TTC39C: variants seen among roughly 807,000 people sequenced by gnomAD.
TTC39C encodes tetratricopeptide repeat domain 39C.
In TTC39C, 33 loss-of-function variants were observed where a neutral mutation model predicts 76.3. The observed-to-expected ratio is 0.43, with a 90% confidence interval of 0.33 to 0.58. The LOEUF is 0.58. Ranked by LOEUF, TTC39C falls within the 20% of genes least tolerant of loss-of-function variation. TTC39C has a pLI of 0.04. For missense variants in TTC39C, 595 were observed against 701.4 expected (o/e 0.85, Z 1.71); for synonymous variants, 254 against 260.6 (o/e 0.97, Z 0.24).
upstream of TTC39C, chr18:24,014,653 G>T (rs1018867652): frequency 1.9e-4 from 110 of 578,780 alleles, no homozygotes; most frequent in African/African-American, 2.1e-3. Flanking sequence ...TCCCCGCGGC[G>T]GCGGCCGGAC....
At chr18:24,082,199 A>G (rs1379090026) in intron 5 of TTC39C, among the ~76,000 whole-genome samples, 1 of 151,328 alleles carries the variant, frequency 6.6e-6, no homozygotes, top group South Asian at 2.1e-4. Context: ...CTAGTTTAAC[A>G]TGGCCATTTT....
chr18:23,999,145 G>C (rs1391290180), intron 1 of TTC39C, among the ~76,000 whole-genome samples: 1 of 152,182 alleles, frequency 6.6e-6, no homozygotes, highest in Non-Finnish European at 1.5e-5. Flanking sequence ...GTGGACATAT[G>C]GGTGTGATGA....
chr18:24,099,202 C>T (rs1290335767), intron 6 of TTC39C: 1 of 151,148 alleles, frequency 6.6e-6, no homozygotes, highest in South Asian at 2.1e-4. Context: ...GTGACTAAAA[C>T]AACACACTTT....
At chr18:24,107,850 C>G (rs971716534) in intron 6 of TTC39C, among the ~76,000 whole-genome samples, 11 of 151,812 alleles carry the variant, frequency 7.2e-5, no homozygotes, top group Admixed American at 3.3e-4. Context: ...GCCTCGACCT[C>G]CCGGCTCAAG....
intron 1 of TTC39C, among the ~76,000 whole-genome samples, chr18:24,029,669 C>T (rs141398039): frequency 2.7e-5 from 2 of 75,108 alleles, no homozygotes; most frequent in South Asian, 5.7e-4. Context: ...ACCCTTCCCC[C>T]GCTGAGTCCC....
intron 1 of TTC39C, among the ~76,000 whole-genome samples, chr18:24,060,853 C>T (rs4800540): frequency 0.61 from 93,188 of 151,870 alleles, 30,893 homozygotes; most frequent in Middle Eastern, 0.8. Flanking sequence ...TTCTTTTGGC[C>T]ACATTTTGGG....
At chr18:24,070,267 G>A (rs1599295384) in intron 4 of TTC39C, among the ~76,000 whole-genome samples, 1 of 152,124 alleles carries the variant, frequency 6.6e-6, no homozygotes, top group South Asian at 2.1e-4. Flanking sequence ...GTTCTATGAT[G>A]TACATTCACT....
chr18:24,023,976 A>ATC (rs2083556967), intron 1 of TTC39C, among the ~76,000 whole-genome samples: 3 of 12,902 alleles, frequency 2.3e-4, no homozygotes, highest in South Asian at 7.7e-3. Flanking sequence ...ATATATATAT[A>ATC]TATACATATA....
intron 6 of TTC39C, among the ~76,000 whole-genome samples, chr18:24,092,499 A>C (rs1417742866): frequency 6.6e-6 from 1 of 152,256 alleles, no homozygotes; most frequent in Non-Finnish European, 1.5e-5. Flanking sequence ...TCAACTGATG[A>C]ATGGATAAAC....
At chr18:24,044,166 G>A (rs542749023) in intron 1 of TTC39C, among the ~76,000 whole-genome samples, 4 of 152,044 alleles carry the variant, frequency 2.6e-5, no homozygotes, top group Non-Finnish European at 5.9e-5. Context: ...CAGCACGGGG[G>A]CAGGTTACAG....
chr18:24,114,697 C>T lies in TTC39C; in HGVS notation c.1078+50C>T, dbSNP rs1009976807. On this transcript the variant is annotated intron_variant, in intron 7 of 13. Transcript: ENST00000317571. ...CTCTTGTTAAGAAGTAGTATTAATGCAGTATTTTAGCTTTCATGCCATTCA... is the reference window on the plus strand; with the variant it reads ...CTCTTGTTAAGAAGTAGTATTAATGTAGTATTTTAGCTTTCATGCCATTCA... 9 of 1,438,494 alleles carry T rather than the reference C, an allele frequency of 6.3e-6. No homozygotes were observed. The Admixed American group carries it at 1.3e-4, about 22-fold the overall frequency. 89.1% of individuals were successfully genotyped at this position (1,438,494 alleles called of 1,614,324 possible).
chr18:24,064,093 A>C, intron 1 of TTC39C, 47 bp from the exon 2 acceptor site: 1 of 1,604,408 alleles, frequency 6.2e-7, no homozygotes, highest in Non-Finnish European at 8.5e-7. Flanking sequence ...AAAATTTTAC[A>C]GTGAAAATAA....
chr18:24,031,331 G>C (rs2083668228), intron 1 of TTC39C, among the ~76,000 whole-genome samples: 1 of 152,154 alleles, frequency 6.6e-6, no homozygotes, highest in South Asian at 2.1e-4. Flanking sequence ...GAAAAAGATT[G>C]TGAGTGGAAG....
chr18:24,047,082 T>C (rs2083894193), intron 1 of TTC39C, among the ~76,000 whole-genome samples: 2 of 151,766 alleles, frequency 1.3e-5, no homozygotes, highest in African/African-American at 2.4e-5. Flanking sequence ...ACATTTACAT[T>C]GATATATATT....
At chr18:24,003,619 T>G (rs1489042394) in intron 1 of TTC39C, among the ~76,000 whole-genome samples, 1 of 152,012 alleles carries the variant, frequency 6.6e-6, no homozygotes, top group African/African-American at 2.4e-5. Context: ...ATTCTTTGAG[T>G]GAACCACTGG....
At chr18:24,008,500 C>T (rs1186334604) in intron 1 of TTC39C, among the ~76,000 whole-genome samples, 1 of 152,116 alleles carries the variant, frequency 6.6e-6, no homozygotes, top group Non-Finnish European at 1.5e-5. Flanking sequence ...GGTAAAGTTA[C>T]GTGAATAGAA....
chr18:24,129,083 A>T, intron 11 of TTC39C, 100 bp downstream of exon 11: 1 of 773,668 alleles, frequency 1.3e-6, no homozygotes, highest in Non-Finnish European at 2.0e-6. Flanking sequence ...ACGAAACCGA[A>T]CCTCCCACTA....
At chr18:24,066,628 C>T (rs988326628) in intron 3 of TTC39C, among the ~76,000 whole-genome samples, 4 of 152,190 alleles carry the variant, frequency 2.6e-5, no homozygotes, top group African/African-American at 9.7e-5. Context: ...GGAGAGGCAC[C>T]CTCCTAGCCC....
chr18:24,099,592 T>C (rs1472836967), intron 6 of TTC39C, among the ~76,000 whole-genome samples: 1 of 152,042 alleles, frequency 6.6e-6, no homozygotes, highest in African/African-American at 2.4e-5. Context: ...CTGGGACTTG[T>C]GTTTACTAGG....
Sources: allele counts gnomAD v4.1 joint callset (sites outside exome capture counted in the v4.1 genomes callset), GRCh38; gene constraint gnomAD v4.1.1; transcripts MANE v1.5; gene names NCBI Gene and HGNC (gene_info 2026-07-23, HGNC 2026-07-21).